The following MEOX2 variants were observed in gnomAD, a reference collection of about 807,000 sequenced individuals.
MEOX2 encodes the protein mesenchyme homeobox 2, also known as homeobox protein MOX-2.
MEOX2 carries 11 observed loss-of-function variants against 27.0 expected under a neutral mutation model. The observed-to-expected ratio is 0.41, with a 90% confidence interval of 0.26 to 0.68. The LOEUF is 0.68. Ranked by LOEUF, MEOX2 falls within the 30% of genes least tolerant of loss-of-function variation. The pLI, the probability that MEOX2 is intolerant of heterozygous loss-of-function variation, is 0.33. For missense variants in MEOX2, 436 were observed against 385.4 expected, an observed-to-expected ratio of 1.13 and a Z score of -1.10; for synonymous variants, 189 against 155.4, an observed-to-expected ratio of 1.22 and a Z score of -1.61.
At chr7:15,665,048 C>CACACACAA (rs1407460206) in intron 1 of MEOX2, among the ~76,000 whole-genome samples, 1 of 91,498 alleles carries the variant, frequency 1.1e-5, no homozygotes, top group African/African-American at 3.2e-5. Flanking sequence ...ACATCACACA[C>CACACACAA]ACACACACAC....
rs113582077 is a variant in MEOX2 at position 15,686,172 on chromosome 7, ATGGTGG to A, written c.225_230del (p.His79_His80del). The A allele has an allele frequency of 7.6e-4, 1,082 of 1,422,458 alleles. No individual in the cohort carries two copies. Among genetic ancestry groups the A allele is most frequent in the East Asian group, 2.1e-3 (71 of 34,556 alleles). The allele number at this position is 1,422,458 out of a possible 1,614,324, so 88.1% of individuals were successfully genotyped here. On this transcript the variant is annotated inframe_deletion, in exon 1 of 3. Coordinates refer to ENST00000262041, the MANE Select transcript of MEOX2 (RefSeq NM_005924.5). The stretch of plus-strand genomic sequence containing the variant: ...GGTGCTGCTGCTGCTGATGGTGGTG[ATGGTGG>A]TGGTGGTGGTGGTGGTGGTGGTGCC...
At chr7:15,635,236 T>C (rs1781461826) in intron 1 of MEOX2, among the ~76,000 whole-genome samples, 1 of 151,970 alleles carries the variant, frequency 6.6e-6, no homozygotes, top group Non-Finnish European at 1.5e-5. Flanking sequence ...GGCCTAAGTG[T>C]CATTCAGCTT....
chr7:15,640,449 G>C (rs533329646), intron 1 of MEOX2, among the ~76,000 whole-genome samples: 1 of 152,150 alleles, frequency 6.6e-6, no homozygotes, highest in South Asian at 2.1e-4. Context: ...GAGTTTTCCA[G>C]ATATAAGATC....
rs756835792 is a variant in MEOX2, at chr7:15,658,952, A to G, written c.517+26934T>C. ...ACTAGCTATTCTGCCTCATCTTTCTATCTTTCAGAAATTCCTTATGTTCGT... is the reference window on the plus strand; with the variant it reads ...ACTAGCTATTCTGCCTCATCTTTCTGTCTTTCAGAAATTCCTTATGTTCGT... On this transcript the variant is annotated intron_variant, in intron 1 of 2. Coordinates refer to ENST00000262041, the MANE Select transcript of MEOX2 (RefSeq NM_005924.5). Among the ~76,000 whole-genome samples the G allele has an allele frequency of 4.7e-4, 72 of 152,182 alleles. 1 individual carries two copies. The highest frequency in any genetic ancestry group is 1.5e-4 in the Non-Finnish European group (10 of 68,024).
chr7:15,625,436 C>T (rs1781288387), intron 2 of MEOX2, among the ~76,000 whole-genome samples: 1 of 152,198 alleles, frequency 6.6e-6, no homozygotes, highest in South Asian at 2.1e-4. Context: ...AATAAAACCA[C>T]AGAAAAGTGT....
intron 1 of MEOX2, chr7:15,682,051 T>A (rs1220292114): frequency 6.6e-6 from 1 of 151,840 alleles, no homozygotes; most frequent in African/African-American, 2.4e-5. Context: ...AGGTCAATGA[T>A]ACTTAGAATT....
intron 2 of MEOX2, among the ~76,000 whole-genome samples, chr7:15,625,620 G>A (rs1781291330): frequency 6.6e-6 from 1 of 152,138 alleles, no homozygotes; most frequent in South Asian, 2.1e-4. Context: ...GATCCTGGAG[G>A]AGGTACACAC....
At chr7:15,666,751 C>CAAAAAAAAA (rs61294753) in intron 1 of MEOX2, among the ~76,000 whole-genome samples, 5 of 63,062 alleles carry the variant, frequency 7.9e-5, no homozygotes, top group African/African-American at 9.1e-5. Context: ...GACTCTGTCT[C>CAAAAAAAAA]AAAAAAAAAA....
At chr7:15,624,833 T>G (rs879725581) in intron 2 of MEOX2, among the ~76,000 whole-genome samples, 1 of 152,160 alleles carries the variant, frequency 6.6e-6, no homozygotes, top group African/African-American at 2.4e-5. Context: ...GTTAAAAGAA[T>G]CTTTAAAACA....
chr7:15,657,007 G>A (rs1049175204), intron 1 of MEOX2, among the ~76,000 whole-genome samples: 5 of 152,016 alleles, frequency 3.3e-5, no homozygotes, highest in African/African-American at 9.7e-5. Flanking sequence ...CTTGGAAAAT[G>A]TTGTACTACT....
Position 15,621,702 on chromosome 7 carries a change from A to G in MEOX2, c.690+5044T>C, listed in dbSNP as rs558598789. ...TAAGGTAGGGGTAGCCACAAATAACATCAGTGATAGACATGCACATTTTAT... is the reference window on the plus strand; with the variant it reads ...TAAGGTAGGGGTAGCCACAAATAACGTCAGTGATAGACATGCACATTTTAT... On this transcript the variant is annotated intron_variant, in intron 2 of 2. Coordinates refer to ENST00000262041, the MANE Select transcript of MEOX2 (RefSeq NM_005924.5). Among the ~76,000 whole-genome samples the G allele has an allele frequency of 2.0e-5, 3 of 152,378 alleles. No homozygotes were observed. In the East Asian group the frequency reaches 5.8e-4, roughly 29 times the overall value.
intron 2 of MEOX2, among the ~76,000 whole-genome samples, chr7:15,618,495 C>T (rs1781160377): frequency 6.6e-6 from 1 of 151,914 alleles, no homozygotes; most frequent in Non-Finnish European, 1.5e-5. Flanking sequence ...CAACATCTTG[C>T]CCAATCTCTT....
At chr7:15,672,650 T>G (rs1037151480) in intron 1 of MEOX2, among the ~76,000 whole-genome samples, 1 of 152,106 alleles carries the variant, frequency 6.6e-6, no homozygotes. Flanking sequence ...CCCAACACTT[T>G]GGGAGGCCAA....
chr7:15,640,348 C>T (rs1347545807), intron 1 of MEOX2, among the ~76,000 whole-genome samples: 2 of 151,678 alleles, frequency 1.3e-5, no homozygotes, highest in Non-Finnish European at 1.5e-5. Flanking sequence ...TTGTTGTATA[C>T]AATGAAATTG....
intron 2 of MEOX2, among the ~76,000 whole-genome samples, chr7:15,625,162 G>C (rs1339114802): frequency 2.0e-5 from 3 of 152,118 alleles, no homozygotes; most frequent in African/African-American, 7.2e-5. Flanking sequence ...AAACACGGTT[G>C]CATTTCCTAG....
intron 1 of MEOX2, among the ~76,000 whole-genome samples, chr7:15,636,531 A>G (rs1424254736): frequency 6.6e-6 from 1 of 152,042 alleles, no homozygotes; most frequent in East Asian, 1.9e-4. Context: ...CAAGAAGGAA[A>G]ACAATCTCAG....
chr7:15,634,122 T>C (rs1781448092), intron 1 of MEOX2, among the ~76,000 whole-genome samples: 1 of 151,934 alleles, frequency 6.6e-6, no homozygotes. Flanking sequence ...GTCTCCCTAT[T>C]ATAAAATTTG....
intron 1 of MEOX2, among the ~76,000 whole-genome samples, chr7:15,648,092 A>T (rs1432560479): frequency 6.6e-6 from 1 of 152,096 alleles, no homozygotes; most frequent in African/African-American, 2.4e-5. Flanking sequence ...ATACGTCCTT[A>T]ATGACATATA....
At chr7:15,633,183 G>A (rs1453892178) in intron 1 of MEOX2, among the ~76,000 whole-genome samples, 1 of 151,800 alleles carries the variant, frequency 6.6e-6, no homozygotes, top group Non-Finnish European at 1.5e-5. Flanking sequence ...TTCAGACACT[G>A]GAGGTCAATA....
Sources: gnomAD v4.1 joint callset for allele counts (sites outside exome capture counted in the v4.1 genomes callset) on GRCh38, gnomAD v4.1.1 for gene constraint, MANE v1.5 for transcripts, NCBI Gene and HGNC (gene_info 2026-07-23, HGNC 2026-07-21) for gene names.